The following WAC variants were observed in gnomAD, a reference collection of about 807,000 sequenced individuals.
WAC encodes the protein WW domain-containing adapter protein with coiled-coil.
Under a neutral mutation model 79.6 loss-of-function variants are expected in WAC, and 11 were observed. The ratio of observed to expected loss-of-function variants is 0.14; its 90% CI spans 0.09 to 0.23. The LOEUF (loss-of-function observed/expected upper bound fraction) is 0.23. WAC is among the 10% of genes least tolerant of loss of function. The pLI, the probability that WAC is intolerant of heterozygous loss-of-function variation, is 1.00. For synonymous variants in WAC, 304 were observed against 276.9 expected (o/e 1.10, Z -0.97); for missense variants, 728 against 773.5 (o/e 0.94, Z 0.70).
intron 7 of WAC, among the ~76,000 whole-genome samples, chr10:28,600,574 T>C (rs1237392422): frequency 1.3e-5 from 2 of 152,124 alleles, no homozygotes; most frequent in African/African-American, 4.8e-5. Context: ...AATTTAGTCT[T>C]AGTCATTAAA....
intron 10 of WAC, among the ~76,000 whole-genome samples, chr10:28,612,546 A>G (rs1047264923): frequency 1.3e-5 from 2 of 152,070 alleles, no homozygotes; most frequent in Non-Finnish European, 2.9e-5. Flanking sequence ...ATGTAGGGGG[A>G]ATTTCTTTTG....
At chr10:28,587,190 AT>A (rs1349369216) in intron 4 of WAC, among the ~76,000 whole-genome samples, 2 of 152,276 alleles carry the variant, frequency 1.3e-5, no homozygotes, top group African/African-American at 4.8e-5. Flanking sequence ...CATTTAAAAT[AT>A]CAATTGTAAA....
rs1841692624 is a variant in WAC, at chr10:28,621,533, ATG to A, written c.*1929_*1930del. The A allele has an allele frequency of 6.6e-6, 1 of 152,198 alleles. No individual in the cohort carries two copies. The highest frequency in any genetic ancestry group is 2.4e-5 in the African/African-American group (1 of 41,432). The allele number at this position is 152,198 out of a possible 1,614,324, so 9.4% of individuals were successfully genotyped here. ...CCTGTAATTTAAGGATACTTTTTAA[ATG>A]TAAGAAAAGACATGTCATTAATTTA... On this transcript the variant is annotated 3_prime_UTR_variant, in exon 14 of 14. Coordinates refer to ENST00000354911, the MANE Select transcript of WAC (RefSeq NM_016628.5).
At position 28,575,754 on chromosome 10, in the gene WAC, A is replaced by G. The variant is rs142119155; in HGVS notation, c.275-7645A>G. Reference sequence around the variant, plus strand: ...CCAGATGTATGATTAGCAACATTCTATGTGTTGTCTTTTCACTTTCTGGTA... The same window carrying G: ...CCAGATGTATGATTAGCAACATTCTGTGTGTTGTCTTTTCACTTTCTGGTA... On this transcript the variant is annotated intron_variant, in intron 3 of 13. Coordinates refer to ENST00000354911, the MANE Select transcript of WAC (RefSeq NM_016628.5). Among the ~76,000 whole-genome samples the G allele has an allele frequency of 1.5e-4, 23 of 152,334 alleles. No homozygotes were observed. In the East Asian group the frequency reaches 3.9e-3, roughly 26 times the overall value.
rs1044886456 is a variant in WAC, at chr10:28,620,262, A to G, written c.*656A>G. 2 of 152,612 alleles carry G rather than the reference A, an allele frequency of 1.3e-5. No homozygotes were observed. The highest frequency in any genetic ancestry group is 4.8e-5 in the African/African-American group (2 of 41,432). 9.5% of individuals were successfully genotyped at this position (152,612 alleles called of 1,614,324 possible). On this transcript the variant is annotated 3_prime_UTR_variant, in exon 14 of 14. Transcript: ENST00000354911. ...TCTCCTTTCTTAAGGCACTGTTGCTATGGCACTTTTCTATAACCTTTTCAT... is the reference window on the plus strand; with the variant it reads ...TCTCCTTTCTTAAGGCACTGTTGCTGTGGCACTTTTCTATAACCTTTTCAT...
chr10:28,617,271 T>C (rs945772387), intron 12 of WAC, among the ~76,000 whole-genome samples: 1 of 152,226 alleles, frequency 6.6e-6, no homozygotes, highest in African/African-American at 2.4e-5. Flanking sequence ...GAATATGTTG[T>C]GTGTCTTACG....
At chr10:28,609,112 G>C (rs1429224277) in intron 8 of WAC, among the ~76,000 whole-genome samples, 1 of 152,202 alleles carries the variant, frequency 6.6e-6, no homozygotes, top group Non-Finnish European at 1.5e-5. Flanking sequence ...TGTTGAAAAT[G>C]ATAAATTTTT....
intron 3 of WAC, among the ~76,000 whole-genome samples, chr10:28,561,030 G>T (rs1177747696): frequency 6.6e-6 from 1 of 152,172 alleles, no homozygotes; most frequent in Admixed American, 6.5e-5. Flanking sequence ...TCTACTGAAT[G>T]CCAGATGAAG....
At position 28,572,693 on chromosome 10, in the gene WAC, C is replaced by G. The variant is rs746355286; in HGVS notation, c.275-10706C>G. Among the ~76,000 whole-genome samples the G allele has an allele frequency of 9.2e-5, 14 of 152,220 alleles. No individual in the cohort carries two copies. The Middle Eastern group carries it at 0.01, about 111-fold the overall frequency. ...TGGCGTGGTAGTGGGCACCTGTAAT[C>G]CCAGCTACTTGGGAGGCTGAGGCAG... On this transcript the variant is annotated intron_variant, in intron 3 of 13. Coordinates refer to ENST00000354911, the MANE Select transcript of WAC (RefSeq NM_016628.5).
intron 7 of WAC, among the ~76,000 whole-genome samples, chr10:28,605,148 C>T (rs959911040): frequency 5.3e-5 from 8 of 152,152 alleles, no homozygotes; most frequent in African/African-American, 1.7e-4. Flanking sequence ...TCGCTTCTGT[C>T]CCTGATCGTA....
intron 4 of WAC, among the ~76,000 whole-genome samples, chr10:28,584,478 T>C (rs1839702955): frequency 1.3e-5 from 2 of 152,112 alleles, no homozygotes; most frequent in South Asian, 4.1e-4. Context: ...TAATTATACA[T>C]ATATAAGGCA....
At chr10:28,562,119 G>A (rs1320682015) in intron 3 of WAC, among the ~76,000 whole-genome samples, 1 of 152,082 alleles carries the variant, frequency 6.6e-6, no homozygotes, top group Non-Finnish European at 1.5e-5. Flanking sequence ...GTGCAGTGGC[G>A]CCATCTTGGT....
intron 13 of WAC, among the ~76,000 whole-genome samples, chr10:28,619,177 G>C (rs1841598617): frequency 6.6e-6 from 1 of 152,186 alleles, no homozygotes; most frequent in Non-Finnish European, 1.5e-5. Context: ...TACTCAGGAG[G>C]CTGAGGCAGG....
At chr10:28,544,210 C>T (rs1164962297) in intron 3 of WAC, among the ~76,000 whole-genome samples, 5 of 152,088 alleles carry the variant, frequency 3.3e-5, no homozygotes, top group Non-Finnish European at 7.4e-5. Context: ...AAAATTGTTT[C>T]GCATTGTGTT....
chr10:28,533,840 C>A, intron 1 of WAC, 158 bp from the exon 2 acceptor site: 1 of 1,050,100 alleles, frequency 9.5e-7, no homozygotes, highest in East Asian at 2.9e-5. Context: ...CCGGCCCTTC[C>A]GGAGGCTCCG....
chr10:28,596,323 T>TTTCTTCAAGTAACAATTGAAGTAAA (rs1475910066), intron 7 of WAC, among the ~76,000 whole-genome samples: 1 of 152,246 alleles, frequency 6.6e-6, no homozygotes, highest in African/African-American at 2.4e-5. Context: ...GTCAAGTAAC[T>TTTCTTCAAGTAACAATTGAAGTAAA]GTCTCTTCAA....
intron 3 of WAC, among the ~76,000 whole-genome samples, chr10:28,561,837 A>C (rs1166299818): frequency 1.3e-5 from 2 of 152,134 alleles, no homozygotes; most frequent in African/African-American, 4.8e-5. Flanking sequence ...CATGCGAGGA[A>C]TCTAGGTTAT....
chr10:28,582,797 C>T (rs1213978577), intron 3 of WAC, among the ~76,000 whole-genome samples: 1 of 152,116 alleles, frequency 6.6e-6, no homozygotes, highest in Non-Finnish European at 1.5e-5. Context: ...ACTTGAGTTA[C>T]TCTTAAGCAA....
intron 1 of WAC, 106 bp from the exon 2 acceptor site, chr10:28,533,892 C>G: frequency 7.2e-7 from 1 of 1,389,384 alleles, no homozygotes. Context: ...CTGGGGCGCT[C>G]GGTAGGTCTC....
Sources: gnomAD v4.1 joint callset for allele counts (sites outside exome capture counted in the v4.1 genomes callset) on GRCh38, gnomAD v4.1.1 for gene constraint, MANE v1.5 for transcripts, NCBI Gene and HGNC (gene_info 2026-07-23, HGNC 2026-07-21) for gene names.